The following DOCK7 variants were observed in gnomAD, a reference collection of about 807,000 sequenced individuals.
The protein encoded by DOCK7 is dedicator of cytokinesis protein 7.
In DOCK7, 138 loss-of-function variants were observed where a neutral mutation model predicts 271.0. That is an observed-to-expected ratio of 0.51 (90% confidence interval 0.44 to 0.59). DOCK7 has a LOEUF of 0.59. Ranked by LOEUF, DOCK7 falls within the 20% of genes least tolerant of loss-of-function variation. DOCK7 has a pLI of 0.00. For synonymous variants in DOCK7, 823 were observed against 876.1 expected (o/e 0.94, Z 1.07); for missense variants, 2,066 against 2,592.4 (o/e 0.80, Z 4.41).
At chr1:62,542,847 C>T (rs765734913) in intron 24 of DOCK7, 144 bp from the exon 25 acceptor site, 2 of 607,320 alleles carry the variant, frequency 3.3e-6, no homozygotes, top group Non-Finnish European at 5.7e-6. Flanking sequence ...CTGAAGACAC[C>T]CATTAACGAA....
intron 1 of DOCK7, among the ~76,000 whole-genome samples, chr1:62,664,530 A>G (rs980770013): frequency 1.3e-5 from 2 of 152,122 alleles, no homozygotes; most frequent in African/African-American, 2.4e-5. Context: ...TGAATTACCC[A>G]GTCTTGGATA....
At chr1:62,555,688 G>T in intron 21 of DOCK7, 137 bp downstream of exon 21, 1 of 884,460 alleles carries the variant, frequency 1.1e-6, no homozygotes, top group Non-Finnish European at 1.6e-6. Context: ...CTAGCACAGT[G>T]AATGGTACTT....
chr1:62,683,975 T>A lies in DOCK7; in HGVS notation c.38+4252A>T, dbSNP rs541486331. The stretch of plus-strand genomic sequence containing the variant: ...TGAAATCAGGCTGAGCGAGGTGGCT[T>A]ACGCCTGTAATCCTAGCACTTTGGG... On this transcript the variant is annotated intron_variant, in intron 1 of 49. Transcript: ENST00000635253. Among the ~76,000 whole-genome samples the A allele has an allele frequency of 6.5e-4, 97 of 150,090 alleles. 1 individual carries two copies. The South Asian group carries it at 0.02, about 31-fold the overall frequency.
chr1:62,548,814 A>C (rs2149412399), intron 22 of DOCK7, among the ~76,000 whole-genome samples: 1 of 152,328 alleles, frequency 6.6e-6, no homozygotes, highest in East Asian at 1.9e-4. Context: ...CTAGTACATT[A>C]GTTCTGGGAG....
In DOCK7 at chr1:62,503,435, T is replaced by A. The variant is rs542582738; in HGVS notation, c.4764+1195A>T. Among the ~76,000 whole-genome samples, 315 of 151,312 alleles carry A rather than the reference T, an allele frequency of 2.1e-3. 2 individuals carry two copies. The highest frequency in any genetic ancestry group is 7.3e-3 in the African/African-American group (300 of 41,128). ...AATGTAATAAAGCTGAAAATTAACA[T>A]AAACAATTTTTTTTTTTTTTGAGAC... On this transcript the variant is annotated intron_variant, in intron 37 of 49. Transcript: ENST00000635253.
At chr1:62,465,804 C>T (rs1247627078) in intron 48 of DOCK7, among the ~76,000 whole-genome samples, 1 of 152,140 alleles carries the variant, frequency 6.6e-6, no homozygotes, top group African/African-American at 2.4e-5. Context: ...CCTGTCTTGG[C>T]CTCCCAAAGT....
intron 35 of DOCK7, 30 bp from the exon 36 acceptor site, chr1:62,505,846 G>C: frequency 6.2e-7 from 1 of 1,601,200 alleles, no homozygotes; most frequent in Non-Finnish European, 8.5e-7. Context: ...AAATAAAATA[G>C]AGATGTACTT....
chr1:62,552,278 C>G (rs1313752272), intron 22 of DOCK7, among the ~76,000 whole-genome samples: 4 of 152,052 alleles, frequency 2.6e-5, no homozygotes, highest in Admixed American at 2.0e-4. Context: ...TCTGCAGTAT[C>G]CCTTATAAAT....
chr1:62,549,591 T>A (rs1340248907), intron 22 of DOCK7, among the ~76,000 whole-genome samples: 1 of 152,218 alleles, frequency 6.6e-6, no homozygotes, highest in Admixed American at 6.5e-5. Flanking sequence ...TGTGTACTAA[T>A]CACATCAGGA....
chr1:62,597,429 G>A (rs934256531), intron 14 of DOCK7: 37 of 849,938 alleles, frequency 4.4e-5, no homozygotes, highest in East Asian at 2.9e-4. Flanking sequence ...AAGTTAACAC[G>A]GCTTAATGAT....
At chr1:62,659,568 T>A (rs1658431395) in intron 2 of DOCK7, among the ~76,000 whole-genome samples, 1 of 152,278 alleles carries the variant, frequency 6.6e-6, no homozygotes, top group South Asian at 2.1e-4. Flanking sequence ...ATTACAAATT[T>A]ATACATTGTA....
intron 11 of DOCK7, chr1:62,629,774 T>A (rs748957223): frequency 5.3e-5 from 8 of 152,136 alleles, no homozygotes; most frequent in Non-Finnish European, 1.0e-4. Context: ...GTATAACAAA[T>A]CAATTTTACC....
At chr1:62,520,358 A>G (rs572445839) in intron 31 of DOCK7, among the ~76,000 whole-genome samples, 5 of 152,252 alleles carry the variant, frequency 3.3e-5, no homozygotes, top group African/African-American at 1.2e-4. Flanking sequence ...TCCAACTGAC[A>G]AAGGGCTAAT....
intron 3 of DOCK7, 37 bp from the exon 4 acceptor site, chr1:62,653,830 G>A (rs762532887): frequency 1.6e-5 from 23 of 1,472,334 alleles, no homozygotes; most frequent in East Asian, 2.3e-5. Flanking sequence ...TAATTTAGAC[G>A]GGACAGCACT....
intron 34 of DOCK7, among the ~76,000 whole-genome samples, chr1:62,508,871 TTGAGA>T (rs1177209412): frequency 3.9e-5 from 6 of 152,294 alleles, no homozygotes; most frequent in Admixed American, 6.5e-5. Context: ...ATGAATATAG[TTGAGA>T]TTTTTGTTTT....
intron 31 of DOCK7, among the ~76,000 whole-genome samples, 174 bp from the exon 32 acceptor site, chr1:62,514,072 G>C (rs1644585772): frequency 6.6e-6 from 1 of 152,092 alleles, no homozygotes; most frequent in Admixed American, 6.5e-5. Context: ...ATAACCTTAA[G>C]GTTAAGAGCC....
chr1:62,469,736 C>T (rs554949634), intron 48 of DOCK7, among the ~76,000 whole-genome samples: 3 of 152,150 alleles, frequency 2.0e-5, no homozygotes, highest in Admixed American at 1.3e-4. Context: ...CAAATAATTT[C>T]GTCAAAAAGT....
rs1191324346 is a variant in DOCK7, at chr1:62,496,339, C to T, written c.4923G>A (p.Gln1641=). The T allele has an allele frequency of 6.2e-7, 1 of 1,612,890 alleles. No individual in the cohort carries two copies. Among genetic ancestry groups the T allele is most frequent in the Non-Finnish European group, 8.5e-7 (1 of 1,179,466 alleles). ...LELRETTFPD[Q]VQDLVFNLHM... is the part of the protein sequence containing the mutation. The stretch of plus-strand genomic sequence containing the variant: ...TGATCTAGAAAGCAGCATTTCTGAC[C>T]TGATCAGGAAATGTTGTTTCCCTCA... The change falls in exon 38 of 50, where the codon CAG becomes CAA. Residue 1641 remains glutamine, a splice_region_variant and synonymous_variant. Transcript: ENST00000635253.
At position 62,680,671 on chromosome 1, in the gene DOCK7, T is replaced by A. The variant is rs1255512917; in HGVS notation, c.38+7556A>T. On this transcript the variant is annotated intron_variant, in intron 1 of 49. Coordinates refer to ENST00000635253, the MANE Select transcript of DOCK7 (RefSeq NM_001367561.1). ...AAGGGCTAATATCCAGAATCTACAA[T>A]GAACTCAAACAAATTTACAAGAAAA... Among the ~76,000 whole-genome samples the A allele has an allele frequency of 4.0e-5, 6 of 151,718 alleles. No homozygotes were observed. The East Asian group carries it at 5.8e-4, about 15-fold the overall frequency.
Sources: allele counts gnomAD v4.1 joint callset (sites outside exome capture counted in the v4.1 genomes callset), GRCh38; gene constraint gnomAD v4.1.1; transcripts MANE v1.5; gene names NCBI Gene and HGNC (gene_info 2026-07-23, HGNC 2026-07-21).